The following UBA6 variants were observed in gnomAD, a reference collection of about 807,000 sequenced individuals.
UBA6 encodes ubiquitin like modifier activating enzyme 6, also known as ubiquitin-like modifier-activating enzyme 6.
In UBA6, 87 loss-of-function variants were observed where a neutral mutation model predicts 148.3. The observed-to-expected ratio is 0.59, with a 90% CI of 0.49 to 0.70. The LOEUF (loss-of-function observed/expected upper bound fraction) is 0.70, where lower values mean the gene tolerates loss of function less well. Among genes scored for constraint, UBA6 ranks in the 30% least tolerant of loss-of-function variants. The probability of loss-of-function intolerance (pLI) is 0.00; values close to 1 mark genes in which losing one functional copy is unlikely to be tolerated. For missense variants in UBA6, 1,186 were observed against 1,241.2 expected (o/e 0.96, Z 0.67); for synonymous variants, 376 against 401.0 (o/e 0.94, Z 0.75).
intron 8 of UBA6, among the ~76,000 whole-genome samples, chr4:67,669,348 T>C (rs973968413): frequency 6.6e-6 from 1 of 152,160 alleles, no homozygotes; most frequent in Non-Finnish European, 1.5e-5. Context: ...GATATACAGA[T>C]TGACTTTTTG....
At chr4:67,629,819 T>C (rs1176708489) in intron 26 of UBA6, among the ~76,000 whole-genome samples, 1 of 152,094 alleles carries the variant, frequency 6.6e-6, no homozygotes, top group Non-Finnish European at 1.5e-5. Flanking sequence ...ACAGATATTG[T>C]TATCTGAATC....
intron 13 of UBA6, among the ~76,000 whole-genome samples, chr4:67,654,775 C>T (rs1175980165): frequency 1.3e-5 from 2 of 151,306 alleles, no homozygotes; most frequent in African/African-American, 4.9e-5. Context: ...CATCAGCGTG[C>T]TGTATTCACG....
Position 67,619,010 on chromosome 4 carries a change from T to A in UBA6, c.3146A>T (p.His1049Leu), listed in dbSNP as rs1236540360. The part of the protein sequence containing the change: ...PGPPVRYYFS[H>L]DTD ...AGACAACTTGTATTAATCAGTGTCA[T>A]GACTGAAGTAGTATCTTACTGGAGG... The change falls in exon 33 of 33, where the codon CAT becomes CTT. Residue 1049 changes from histidine to leucine, a missense_variant. His to Leu is a moderately conservative substitution (Grantham distance 99, BLOSUM62 -3). Transcript: ENST00000322244. 1 of 1,613,908 alleles carries A rather than the reference T, an allele frequency of 6.2e-7. No homozygotes were observed. Among genetic ancestry groups the A allele is most frequent in the South Asian group, 1.1e-5 (1 of 91,036 alleles).
In UBA6 at chr4:67,615,868, T is replaced by C. The variant is rs1349076700; in HGVS notation, c.*3129A>G. The C allele has an allele frequency of 3.4e-6, 1 of 293,424 alleles. No individual in the cohort carries two copies. Among genetic ancestry groups the C allele is most frequent in the East Asian group, 5.0e-5 (1 of 20,028 alleles). The allele number at this position is 293,424 out of a possible 1,614,324, so 18.2% of individuals were successfully genotyped here. On this transcript the variant is annotated 3_prime_UTR_variant, in exon 33 of 33. Transcript: ENST00000322244. ...GAGACAATTATCATACAAGGTAGGA[T>C]AGTGGTAATTACCAAAGGGTACGTG...
intron 16 of UBA6, 54 bp downstream of exon 16, chr4:67,645,884 G>T: frequency 8.9e-7 from 1 of 1,124,172 alleles, no homozygotes; most frequent in Non-Finnish European, 1.3e-6. Context: ...AATGAATTAA[G>T]TTGATATACG....
intron 13 of UBA6, 138 bp from the exon 14 acceptor site, chr4:67,649,349 T>G: frequency 2.4e-6 from 2 of 825,318 alleles, no homozygotes; most frequent in Non-Finnish European, 3.6e-6. Flanking sequence ...TCTCTAAAAA[T>G]GTCCCAATTT....
intron 9 of UBA6, among the ~76,000 whole-genome samples, chr4:67,667,323 T>C (rs1730028613): frequency 6.6e-6 from 1 of 152,114 alleles, no homozygotes; most frequent in African/African-American, 2.4e-5. Context: ...CAAATAGTAA[T>C]CCTAAATGAT....
intron 32 of UBA6, among the ~76,000 whole-genome samples, chr4:67,620,205 A>T (rs1728721945): frequency 6.6e-6 from 1 of 152,186 alleles, no homozygotes; most frequent in Non-Finnish European, 1.5e-5. Context: ...ACTACTCTTA[A>T]TTTATCCAAG....
chr4:67,698,608 C>T (rs1730896245), intron 1 of UBA6, among the ~76,000 whole-genome samples: 1 of 152,136 alleles, frequency 6.6e-6, no homozygotes, highest in African/African-American at 2.4e-5. Flanking sequence ...TAGCTCTTGA[C>T]TACCACACAT....
At chr4:67,696,406 C>T (rs200429846) in intron 2 of UBA6, among the ~76,000 whole-genome samples, 3 of 147,494 alleles carry the variant, frequency 2.0e-5, no homozygotes, top group Non-Finnish European at 4.5e-5. Flanking sequence ...TGTATATATA[C>T]ACACACATAT....
At chr4:67,649,253 T>G (rs1729496086) in intron 13 of UBA6, 42 bp from the exon 14 acceptor site, 1 of 1,529,340 alleles carries the variant, frequency 6.5e-7, no homozygotes, top group Non-Finnish European at 8.8e-7. Flanking sequence ...TAACAGCATT[T>G]ACACAGTACA....
intron 1 of UBA6, among the ~76,000 whole-genome samples, chr4:67,697,559 C>T (rs17088567): frequency 0.019 from 2,949 of 152,320 alleles, 72 homozygotes; most frequent in East Asian, 0.1. Flanking sequence ...TCAATTACCC[C>T]TGCTTAATCT....
chr4:67,648,683 G>A (rs1264137354), intron 14 of UBA6, among the ~76,000 whole-genome samples: 2 of 152,002 alleles, frequency 1.3e-5, no homozygotes, highest in African/African-American at 2.4e-5. Flanking sequence ...ACTTTTGTAA[G>A]TTTATACCTA....
At chr4:67,663,265 C>T (rs932639279) in intron 11 of UBA6, 50 bp from the exon 12 acceptor site, 2 of 1,241,264 alleles carry the variant, frequency 1.6e-6, no homozygotes, top group Non-Finnish European at 2.3e-6. Flanking sequence ...GGTTGTATGT[C>T]CCAGGCACTG....
intron 9 of UBA6, among the ~76,000 whole-genome samples, chr4:67,666,227 A>C (rs868284641): frequency 3.3e-5 from 5 of 152,230 alleles, no homozygotes; most frequent in South Asian, 2.1e-4. Context: ...TAACATTTTC[A>C]TCTATATTAT....
At chr4:67,660,447 T>C (rs1051606480) in intron 13 of UBA6, among the ~76,000 whole-genome samples, 5 of 152,182 alleles carry the variant, frequency 3.3e-5, no homozygotes, top group Admixed American at 3.3e-4. Context: ...AAGGGGCCAA[T>C]GTACAGCTCA....
intron 2 of UBA6, among the ~76,000 whole-genome samples, chr4:67,682,874 C>G (rs912949406): frequency 1.3e-5 from 2 of 151,884 alleles, no homozygotes; most frequent in African/African-American, 4.8e-5. Context: ...AAGATTAGTT[C>G]GATATAAATA....
chr4:67,663,505 T>A (rs202154833), intron 11 of UBA6: 411 of 339,982 alleles, frequency 1.2e-3, no homozygotes, highest in African/African-American at 4.5e-3. Flanking sequence ...ACATCCATTT[T>A]AAAAAAAAAT....
chr4:67,673,242 G>A (rs865845657), intron 7 of UBA6, among the ~76,000 whole-genome samples: 29 of 151,800 alleles, frequency 1.9e-4, no homozygotes, highest in African/African-American at 6.5e-4. Flanking sequence ...GTAAAACCCC[G>A]TCTCTACTAA....
Sources: gnomAD v4.1 joint callset for allele counts (sites outside exome capture counted in the v4.1 genomes callset) on GRCh38, gnomAD v4.1.1 for gene constraint, MANE v1.5 for transcripts, NCBI Gene and HGNC (gene_info 2026-07-23, HGNC 2026-07-21) for gene names.